CDKAL1: variants seen among roughly 807,000 people sequenced by gnomAD.
CDKAL1 encodes threonylcarbamoyladenosine tRNA methylthiotransferase.
A neutral mutation model predicts 68.2 loss-of-function variants in CDKAL1; 32 were observed. The observed-to-expected ratio is 0.47, with a 90% CI of 0.35 to 0.63. CDKAL1 has a LOEUF of 0.63. CDKAL1 is among the 30% of genes least tolerant of loss of function. The pLI is 0.00. For missense variants in CDKAL1, 606 were observed against 696.7 expected, an observed-to-expected ratio of 0.87 and a Z score of 1.47; for synonymous variants, 234 against 244.3, an observed-to-expected ratio of 0.96 and a Z score of 0.39.
At chr6:20,825,092 C>T (rs1777449345) in intron 8 of CDKAL1, among the ~76,000 whole-genome samples, 1 of 151,892 alleles carries the variant, frequency 6.6e-6, no homozygotes, top group South Asian at 2.1e-4. Context: ...TTGGTATTAT[C>T]TGAAATGATT....
At chr6:21,023,945 A>G (rs1198901291) in intron 11 of CDKAL1, among the ~76,000 whole-genome samples, 1 of 152,194 alleles carries the variant, frequency 6.6e-6, no homozygotes, top group African/African-American at 2.4e-5. Flanking sequence ...ACATAATGTC[A>G]TCAAATGAGG....
At chr6:21,076,249 T>G (rs1203417541) in intron 12 of CDKAL1, among the ~76,000 whole-genome samples, 1 of 152,160 alleles carries the variant, frequency 6.6e-6, no homozygotes, top group Non-Finnish European at 1.5e-5. Context: ...GGGTGACCAC[T>G]TGGAACAGAT....
intron 9 of CDKAL1, among the ~76,000 whole-genome samples, chr6:20,853,513 G>C (rs1759153058): frequency 6.6e-6 from 1 of 152,010 alleles, no homozygotes; most frequent in Non-Finnish European, 1.5e-5. Flanking sequence ...CAGAACTTCT[G>C]GTTCTGTGTC....
At chr6:20,960,238 C>T (rs1764988531) in intron 10 of CDKAL1, among the ~76,000 whole-genome samples, 1 of 152,162 alleles carries the variant, frequency 6.6e-6, no homozygotes, top group African/African-American at 2.4e-5. Flanking sequence ...AAGTGATCCT[C>T]CTGCCTTAGC....
At chr6:20,642,019 G>C (rs970397346) in intron 4 of CDKAL1, among the ~76,000 whole-genome samples, 1 of 152,110 alleles carries the variant, frequency 6.6e-6, no homozygotes, top group Non-Finnish European at 1.5e-5. Context: ...GCTTGCACTG[G>C]ATAGTATCGC....
Position 20,550,262 on chromosome 6 carries a change from G to A in CDKAL1, c.286+1557G>A, listed in dbSNP as rs546807711. 3.9e-3 allele frequency among the ~76,000 whole-genome samples: 598 copies of A among 152,318 alleles called. 3 individuals are homozygous for A. The highest frequency in any genetic ancestry group is 0.014 in the African/African-American group (564 of 41,566). On this transcript the variant is annotated intron_variant, in intron 4 of 15. Coordinates refer to ENST00000274695, the MANE Select transcript of CDKAL1 (RefSeq NM_017774.3). ...CAAAGTGCTGGGATTACAGGCATGA[G>A]CCACTGCACCTGGCCCGTCTTAGTT...
At chr6:21,170,623 C>T (rs1298378455) in intron 13 of CDKAL1, among the ~76,000 whole-genome samples, 10 of 152,120 alleles carry the variant, frequency 6.6e-5, no homozygotes, top group Middle Eastern at 3.4e-3. Context: ...CCACCACGCC[C>T]GACCGTACTT....
At chr6:21,046,209 T>C (rs992572214) in intron 11 of CDKAL1, among the ~76,000 whole-genome samples, 1 of 152,256 alleles carries the variant, frequency 6.6e-6, no homozygotes, top group African/African-American at 2.4e-5. Context: ...ATTAACCTGA[T>C]AGTTAGCTAA....
At chr6:21,085,346 A>G (rs575838401) in intron 12 of CDKAL1, among the ~76,000 whole-genome samples, 1 of 152,312 alleles carries the variant, frequency 6.6e-6, no homozygotes, top group South Asian at 2.1e-4. Flanking sequence ...CATGCAAGGA[A>G]CTGTGCTGGG....
In CDKAL1 at chr6:20,766,116, T is replaced by G. The variant is rs570102853; in HGVS notation, c.517+7473T>G. 3.9e-5 allele frequency among the ~76,000 whole-genome samples: 6 copies of G among 152,316 alleles called. No homozygotes were observed. In the East Asian group the frequency reaches 1.2e-3, roughly 29 times the overall value. On this transcript the variant is annotated intron_variant, in intron 7 of 15. Transcript: ENST00000274695. ...TGGTGGCTTCAGAATGGCAGAATGGTCTTACATGCTTTTTGTTCATCTTAA... is the reference window on the plus strand; with the variant it reads ...TGGTGGCTTCAGAATGGCAGAATGGGCTTACATGCTTTTTGTTCATCTTAA...
intron 7 of CDKAL1, among the ~76,000 whole-genome samples, chr6:20,766,580 A>C (rs1475777320): frequency 6.6e-6 from 1 of 152,196 alleles, no homozygotes; most frequent in African/African-American, 2.4e-5. Context: ...ACTCTTGTGA[A>C]TCCTGGTAGT....
At chr6:20,623,094 A>T (rs1767270800) in intron 4 of CDKAL1, among the ~76,000 whole-genome samples, 1 of 152,106 alleles carries the variant, frequency 6.6e-6, no homozygotes, top group Admixed American at 6.6e-5. Flanking sequence ...TGTTAGTAAG[A>T]TAATGAAAGA....
At chr6:20,961,862 A>T (rs180991816) in intron 10 of CDKAL1, among the ~76,000 whole-genome samples, 1 of 152,172 alleles carries the variant, frequency 6.6e-6, no homozygotes, top group South Asian at 2.1e-4. Flanking sequence ...CCCCCAAGTC[A>T]TAAGTTTACA....
At chr6:21,210,002 G>A (rs1178035352) in intron 15 of CDKAL1, among the ~76,000 whole-genome samples, 1 of 152,212 alleles carries the variant, frequency 6.6e-6, no homozygotes, top group South Asian at 2.1e-4. Flanking sequence ...ATTGTGCCTT[G>A]ATAATATCTG....
intron 13 of CDKAL1, among the ~76,000 whole-genome samples, chr6:21,179,834 A>G (rs1050800360): frequency 3.3e-5 from 5 of 152,220 alleles, no homozygotes; most frequent in African/African-American, 1.2e-4. Flanking sequence ...AGCCTGGGCC[A>G]TATGGCAAAA....
At chr6:21,017,802 A>C (rs1353669450) in intron 11 of CDKAL1, among the ~76,000 whole-genome samples, 1 of 152,102 alleles carries the variant, frequency 6.6e-6, no homozygotes. Flanking sequence ...TCCCATGTTT[A>C]GCAATAAAAA....
chr6:20,811,728 A>G (rs538819022), intron 8 of CDKAL1, among the ~76,000 whole-genome samples: 1 of 145,746 alleles, frequency 6.9e-6, no homozygotes, highest in Non-Finnish European at 1.5e-5. Context: ...TCTGCGGGTT[A>G]TGTGTTGTTA....
intron 5 of CDKAL1, among the ~76,000 whole-genome samples, chr6:20,705,334 G>C (rs1046494205): frequency 2.6e-5 from 4 of 152,128 alleles, no homozygotes; most frequent in Non-Finnish European, 5.9e-5. Flanking sequence ...TTTTCACTGT[G>C]ATTCTTTTCA....
chr6:20,949,888 C>A (rs930209467), intron 9 of CDKAL1, among the ~76,000 whole-genome samples: 2 of 152,044 alleles, frequency 1.3e-5, no homozygotes, highest in Non-Finnish European at 2.9e-5. Context: ...CTCCCAGGTT[C>A]AAGCAATCCA....
Sources: allele counts gnomAD v4.1 joint callset (sites outside exome capture counted in the v4.1 genomes callset), GRCh38; gene constraint gnomAD v4.1.1; transcripts MANE v1.5; gene names NCBI Gene and HGNC (gene_info 2026-07-23, HGNC 2026-07-21).